DEF8: variants seen among roughly 807,000 people sequenced by gnomAD.
DEF8 encodes the protein DEF-8.
Under a neutral mutation model 59.1 loss-of-function variants are expected in DEF8, and 38 were observed. The ratio of observed to expected loss-of-function variants is 0.64; its 90% CI spans 0.50 to 0.84. The LOEUF is 0.84. DEF8 is among the 40% of genes least tolerant of loss of function. DEF8 has a pLI of 0.00. For missense variants in DEF8, 557 were observed against 615.2 expected (o/e 0.91, Z 1.00); for synonymous variants, 265 against 250.1 (o/e 1.06, Z -0.56).
In DEF8 at chr16:89,949,460, A is replaced by G; in HGVS notation, c.-64A>G. 1 of 1,611,666 alleles carries G rather than the reference A, an allele frequency of 6.2e-7. No individual in the cohort carries two copies. Among genetic ancestry groups the G allele is most frequent in the Non-Finnish European group, 8.5e-7 (1 of 1,179,738 alleles). On this transcript the variant is annotated 5_prime_UTR_variant, in exon 2 of 13. The change abolishes the stop of an existing upstream ORF in the 5' untranslated region. Transcript: ENST00000563594. ...CCAGGCTTCCGTGGCCAGCAGCCCT[A>G]GAGGAATGGCCATCCTGTCCCTGCG...
chr16:89,949,645 G>A, intron 2 of DEF8, 132 bp downstream of exon 2: 1 of 1,607,342 alleles, frequency 6.2e-7, no homozygotes, highest in Non-Finnish European at 8.5e-7. Flanking sequence ...CCAGGTCCGT[G>A]CATCCCGCGT....
chr16:89,965,927 G>A lies in DEF8; in HGVS notation c.1320G>A (p.Ser440=), dbSNP rs1248318292. ...KCARLSLRKQ[S]LFQEPGPDVE... Reference sequence around the variant, plus strand: ...CCCGGCTCAGCCTGAGGAAGCAGTCGCTCTTCCAGGAGCCAGGTCCCGATG... The same window carrying A: ...CCCGGCTCAGCCTGAGGAAGCAGTCACTCTTCCAGGAGCCAGGTCCCGATG... The change falls in exon 13 of 13, where the codon TCG becomes TCA. Residue 440 remains serine (S), a synonymous_variant. Coordinates refer to ENST00000563594, the MANE Select transcript of DEF8 (RefSeq NM_001242818.2). 13 of 1,613,396 alleles carry A rather than the reference G, an allele frequency of 8.1e-6. No individual in the cohort carries two copies. The highest frequency in any genetic ancestry group is 1.1e-5 in the Non-Finnish European group (13 of 1,179,712).
At chr16:89,949,120 G>GGGGACGGGGCTGGGA (rs2031429963) in intron 1 of DEF8, among the ~76,000 whole-genome samples, 2 of 146,448 alleles carry the variant, frequency 1.4e-5, no homozygotes, top group African/African-American at 4.9e-5. Flanking sequence ...CGGGGCCGGC[G>GGGGACGGGGCTGGGA]GGGACGGGGC....
rs774383955 is a variant in DEF8, at chr16:89,964,267, A to C, written c.1100A>C (p.Glu367Ala). The change falls in exon 11 of 13, where the codon GAG (glutamate) becomes GCG (alanine). Residue 367 changes from glutamate (E) to alanine (A), a missense_variant. Physicochemically the swap from Glu to Ala is moderately radical, Grantham distance 107 (BLOSUM62 -1). Transcript: ENST00000563594. ...HAGRLGCSLT[E>A]IHTLFAKHIK... ...GGCCGCCTGGGCTGCTCGCTCACCGAGATCCACACGCTCTTCGCCAAGCAC... is the reference window on the plus strand; with the variant it reads ...GGCCGCCTGGGCTGCTCGCTCACCGCGATCCACACGCTCTTCGCCAAGCAC... The C allele has an allele frequency of 5.6e-6, 9 of 1,608,198 alleles. No individual in the cohort carries two copies. The South Asian group carries it at 6.6e-5, about 12-fold the overall frequency.
Position 89,948,860 on chromosome 16 carries a change from C to CTGGGAGGGA in DEF8, c.-108+46_-108+47insTGGGAGGGA, listed in dbSNP as rs1567776335. ...GGGGTCGGGGCCGGCGGGGACGGGG[C>CTGGGAGGGA]CGGCGGGGACGGGGCCGGCGGGGAC... On this transcript the variant is annotated intron_variant, in intron 1 of 12. Transcript: ENST00000563594. The CTGGGAGGGA allele has an allele frequency of 1.4e-5, 10 of 696,574 alleles. 1 individual carries two copies. In the African/African-American group the frequency reaches 4.2e-4, roughly 29 times the overall value. The allele number at this position is 696,574 out of a possible 1,614,324, so 43.1% of individuals were successfully genotyped here.
At position 89,948,769 on chromosome 16, in the gene DEF8, G is replaced by A; in HGVS notation, c.-153G>A. Reference sequence around the variant, plus strand: ...CTGGATCCAGCGTAGCGGGGCGGCCGGGCGGATCCAGCGCAGCCGGGAGAC... The same window carrying A: ...CTGGATCCAGCGTAGCGGGGCGGCCAGGCGGATCCAGCGCAGCCGGGAGAC... On this transcript the variant is annotated 5_prime_UTR_variant, in exon 1 of 13. Transcript: ENST00000563594. The A allele has an allele frequency of 1.0e-6, 1 of 984,850 alleles. No homozygotes were observed. Among genetic ancestry groups the A allele is most frequent in the Non-Finnish European group, 1.2e-6 (1 of 829,588 alleles). 61.0% of individuals were successfully genotyped at this position (984,850 alleles called of 1,614,324 possible).
chr16:89,954,121 C>A lies in DEF8; in HGVS notation c.-10-122C>A. On this transcript the variant is annotated intron_variant, in intron 2 of 12. Transcript: ENST00000563594. The surrounding 1 kb of genome is among the most constrained non-coding windows in gnomAD (Gnocchi z 4.3). ...ATCAAGGCTGTGGTGTGAGGACTAC[C>A]CACTTTAGGGAAGTGAAAGAGGCCA... 1 of 1,068,278 alleles carries A rather than the reference C, an allele frequency of 9.4e-7. No individual in the cohort carries two copies. Among genetic ancestry groups the A allele is most frequent in the Non-Finnish European group, 1.4e-6 (1 of 734,008 alleles). 66.2% of individuals were successfully genotyped at this position (1,068,278 alleles called of 1,614,324 possible).
chr16:89,954,307 A>C lies in DEF8; in HGVS notation c.55A>C (p.Asn19His), dbSNP rs1219007577. 6.2e-7 allele frequency: 1 copy of C among 1,613,602 alleles called. No individual in the cohort carries two copies. The highest frequency in any genetic ancestry group is 8.5e-7 in the Non-Finnish European group (1 of 1,179,956). ...CCGGCAGGCCCACCTCAACCCCTTCAACAAGCAGTCTGGGCCGAGACAGCA... is the reference window on the plus strand; with the variant it reads ...CCGGCAGGCCCACCTCAACCCCTTCCACAAGCAGTCTGGGCCGAGACAGCA... ...RFRQAHLNPF[N>H]KQSGPRQHEQ... The change falls in exon 3 of 13, where the codon AAC becomes CAC. Residue 19 changes from asparagine (N) to histidine (H), a missense_variant. Physicochemically the swap from Asn to His is moderately conservative, Grantham distance 68. Coordinates refer to ENST00000563594, the MANE Select transcript of DEF8 (RefSeq NM_001242818.2). This position sits in a 1 kb window ranked among gnomAD's most constrained non-coding sequence, Gnocchi z 4.3.
Position 89,957,528 on chromosome 16 carries a change from T to A in DEF8, c.240T>A (p.Ser80=). 1 of 1,590,616 alleles carries A rather than the reference T, an allele frequency of 6.3e-7. No individual in the cohort carries two copies. Among genetic ancestry groups the A allele is most frequent in the Non-Finnish European group, 8.6e-7 (1 of 1,168,902 alleles). ...CTGGGCAGGGTCTGTTCCTGGCCTC[T>A]GACGTCCAGCAGCTGCGGCAGGCGA... The part of the protein sequence containing the change: ...FSRPVGLFLA[S]DVQQLRQAIE... The change falls in exon 5 of 13, where the codon TCT becomes TCA. Residue 80 remains serine, a synonymous_variant. Transcript: ENST00000563594.
intron 4 of DEF8, 23 bp downstream of exon 4, chr16:89,955,289 G>T (rs1476469251): frequency 1.2e-6 from 2 of 1,601,068 alleles, no homozygotes; most frequent in African/African-American, 2.7e-5. Flanking sequence ...ATCTCGGAGG[G>T]GAGAGGGACT....
Position 89,959,260 on chromosome 16 carries a change from C to G in DEF8, c.514+105C>G, listed in dbSNP as rs747448518. On this transcript the variant is annotated intron_variant, in intron 6 of 12. Coordinates refer to ENST00000563594, the MANE Select transcript of DEF8 (RefSeq NM_001242818.2). The stretch of plus-strand genomic sequence containing the variant: ...AGCTATCCAGTGTGGTGGCCACTAG[C>G]CAAACATGGCCAGTCAAAGTTAAAT... The G allele has an allele frequency of 5.8e-6, 9 of 1,558,972 alleles. 1 individual carries two copies. Among genetic ancestry groups the G allele is most frequent in the Admixed American group, 1.9e-5 (1 of 51,438 alleles).
In DEF8 at chr16:89,960,925, C is replaced by T. The variant is rs1490562842; in HGVS notation, c.515-6C>T. On this transcript the variant is annotated splice_polypyrimidine_tract_variant and splice_region_variant and intron_variant, in intron 6 of 12. Transcript: ENST00000563594. ...CTTTTGAGAAGTGTGTGTCCCTCCA[C>T]CCTAGGGTGTTATTACCGCTGTCAC... 1.2e-6 allele frequency: 2 copies of T among 1,612,682 alleles called. No homozygotes were observed. Among genetic ancestry groups the T allele is most frequent in the Admixed American group, 1.7e-5 (1 of 59,984 alleles).
chr16:89,964,619 G>T (rs778742043), intron 12 of DEF8, 44 bp downstream of exon 12: 11 of 1,468,730 alleles, frequency 7.5e-6, no homozygotes, highest in Non-Finnish European at 1.0e-5. Context: ...GGGGCTCTGC[G>T]CTGTCCTCTG....
At chr16:89,959,476 T>C in intron 6 of DEF8, 1 of 672,774 alleles carries the variant, frequency 1.5e-6, no homozygotes, top group Non-Finnish European at 2.2e-6. Context: ...TGACTTTGTT[T>C]TTTGTTTTTG....
intron 4 of DEF8, among the ~76,000 whole-genome samples, chr16:89,956,259 A>G (rs2033171207): frequency 6.6e-6 from 1 of 151,954 alleles, no homozygotes; most frequent in African/African-American, 2.4e-5. Context: ...GTTCGAGACC[A>G]GCCTGACCAA....
At position 89,965,797 on chromosome 16, in the gene DEF8, C is replaced by T. The variant is rs535108293; in HGVS notation, c.1254-64C>T. 51 of 1,101,736 alleles carry T rather than the reference C, an allele frequency of 4.6e-5. No homozygotes were observed. In the Middle Eastern group the frequency reaches 6.0e-4, roughly 13 times the overall value. 68.2% of individuals were successfully genotyped at this position (1,101,736 alleles called of 1,614,324 possible). On this transcript the variant is annotated intron_variant, in intron 12 of 12. Transcript: ENST00000563594. ...GGGGATGATAGGAGCTGACCTAGGA[C>T]GCTTGGGGGGATTCAGTGCTGGAGT...
intron 2 of DEF8, chr16:89,952,531 C>G (rs955430400): frequency 1.3e-5 from 2 of 152,228 alleles, no homozygotes; most frequent in African/African-American, 4.8e-5. Context: ...AATTATGTGA[C>G]AAACAAAAAT....
chr16:89,950,093 T>A (rs2031728331), intron 2 of DEF8: 2 of 990,046 alleles, frequency 2.0e-6, no homozygotes, highest in Non-Finnish European at 1.2e-6. Context: ...TAGCCTAGAG[T>A]ACAGCTGCTG....
Position 89,959,126 on chromosome 16 carries a change from G to T in DEF8, c.485G>T (p.Gly162Val). The T allele has an allele frequency of 6.2e-7, 1 of 1,613,900 alleles. No homozygotes were observed. Among genetic ancestry groups the T allele is most frequent in the Non-Finnish European group, 8.5e-7 (1 of 1,180,022 alleles). ...GACAAGTGTAACACCATCATCTGGGGGCTCATTCAGACCTGGTACACCTGC... is the reference window on the plus strand; with the variant it reads ...GACAAGTGTAACACCATCATCTGGGTGCTCATTCAGACCTGGTACACCTGC... ...TCDKCNTIIW[G>V]LIQTWYTCTG... Residue 162 changes from glycine to valine, a missense_variant, in exon 6 of 13, where the codon GGG becomes GTG. Coordinates refer to ENST00000563594, the MANE Select transcript of DEF8 (RefSeq NM_001242818.2).
Sources: allele counts gnomAD v4.1 joint callset (sites outside exome capture counted in the v4.1 genomes callset), GRCh38; gene constraint gnomAD v4.1.1; non-coding constraint Gnocchi (gnomAD v3.1); transcripts MANE v1.5; gene names NCBI Gene and HGNC (gene_info 2026-07-23, HGNC 2026-07-21).